The following LIMS1 variants were observed in gnomAD, a reference collection of about 807,000 sequenced individuals.
LIMS1 encodes LIM zinc finger domain containing 1.
LIMS1 carries 18 observed loss-of-function variants against 44.1 expected under a neutral mutation model. The observed-to-expected ratio is 0.41, with a 90% CI of 0.28 to 0.61. The LOEUF (loss-of-function observed/expected upper bound fraction) is 0.61, where lower values mean the gene tolerates loss of function less well. Ranked by LOEUF, LIMS1 falls within the 20% of genes least tolerant of loss-of-function variation. The pLI is 0.32. For missense variants in LIMS1, 201 were observed against 422.0 expected (o/e 0.48, Z 4.59); for synonymous variants, 93 against 149.1 (o/e 0.62, Z 2.74).
intron 1 of LIMS1, among the ~76,000 whole-genome samples, chr2:108,553,230 T>A (rs1426888595): frequency 6.6e-6 from 1 of 152,212 alleles, no homozygotes; most frequent in East Asian, 1.9e-4. Context: ...AGATGCAGCC[T>A]GGGTGCAGAT....
chr2:108,575,345 A>G (rs1685629201), intron 1 of LIMS1, among the ~76,000 whole-genome samples: 2 of 152,222 alleles, frequency 1.3e-5, no homozygotes, highest in African/African-American at 4.8e-5. Flanking sequence ...GAGTTAGCCA[A>G]CGTGGTGTTG....
intron 1 of LIMS1, among the ~76,000 whole-genome samples, chr2:108,558,812 A>G (rs1164338540): frequency 6.6e-6 from 1 of 151,718 alleles, no homozygotes; most frequent in Admixed American, 6.6e-5. Flanking sequence ...CTGGGCCTAC[A>G]GTTGTATGCC....
intron 1 of LIMS1, among the ~76,000 whole-genome samples, chr2:108,577,555 T>G (rs1251503709): frequency 6.6e-6 from 1 of 152,252 alleles, no homozygotes; most frequent in Non-Finnish European, 1.5e-5. Context: ...TGTTTTCTAC[T>G]TACCCCTATT....
intron 1 of LIMS1, among the ~76,000 whole-genome samples, chr2:108,595,193 G>A (rs897925438): frequency 6.6e-6 from 1 of 152,112 alleles, no homozygotes; most frequent in Non-Finnish European, 1.5e-5. Flanking sequence ...ATGCTGAACC[G>A]TATTTGGGTG....
At chr2:108,660,372 C>T (rs1691268103) in intron 2 of LIMS1, 1 of 458,900 alleles carries the variant, frequency 2.2e-6, no homozygotes, top group South Asian at 1.6e-5. Context: ...ATATGGTCTG[C>T]ACTTCCTTTG....
At chr2:108,645,282 C>G (rs1167068992) in intron 1 of LIMS1, among the ~76,000 whole-genome samples, 1 of 152,194 alleles carries the variant, frequency 6.6e-6, no homozygotes, top group Non-Finnish European at 1.5e-5. Flanking sequence ...GCCCATCAGA[C>G]TAACAGCGGA....
chr2:108,590,329 T>C (rs1388674666), intron 1 of LIMS1, among the ~76,000 whole-genome samples: 1 of 152,228 alleles, frequency 6.6e-6, no homozygotes, highest in Non-Finnish European at 1.5e-5. Flanking sequence ...ACAAGTATTT[T>C]TCATGGATAA....
intron 1 of LIMS1, among the ~76,000 whole-genome samples, chr2:108,544,027 CTCTG>C (rs1189580388): frequency 1.3e-5 from 2 of 152,148 alleles, no homozygotes; most frequent in African/African-American, 4.8e-5. Context: ...CTCTTTCTTT[CTCTG>C]TCTTTCTCTC....
At chr2:108,615,952 C>A (rs1205434680) in intron 1 of LIMS1, among the ~76,000 whole-genome samples, 1 of 152,164 alleles carries the variant, frequency 6.6e-6, no homozygotes, top group East Asian at 1.9e-4. Flanking sequence ...CTACTGGTCA[C>A]CTCTTGTATC....
intron 1 of LIMS1, among the ~76,000 whole-genome samples, chr2:108,653,952 T>C (rs1481504932): frequency 1.4e-5 from 2 of 142,752 alleles, no homozygotes; most frequent in African/African-American, 5.1e-5. Flanking sequence ...TCAGTGAACC[T>C]ACATTTTTAC....
In LIMS1 at chr2:108,544,603, T is replaced by C. The variant is rs557749552; in HGVS notation, c.32+10009T>C. 1.1e-4 allele frequency among the ~76,000 whole-genome samples: 16 copies of C among 152,300 alleles called. No homozygotes were observed. In the East Asian group the frequency reaches 3.1e-3, roughly 29 times the overall value. ...TCTGCCTCTTGGGTTCAAGCGATTC[T>C]CCTGCCTCAGCCTCCCAAGTAGCTG... On this transcript the variant is annotated intron_variant, in intron 1 of 9. Coordinates refer to ENST00000544547, the Ensembl canonical transcript of LIMS1.
At chr2:108,651,184 C>T (rs1181338563) in intron 1 of LIMS1, among the ~76,000 whole-genome samples, 6 of 152,106 alleles carry the variant, frequency 3.9e-5, no homozygotes, top group Non-Finnish European at 8.8e-5. Flanking sequence ...CTTTAACCCC[C>T]ACATTAGTTC....
At chr2:108,615,289 A>G (rs947796081) in intron 1 of LIMS1, among the ~76,000 whole-genome samples, 2 of 152,110 alleles carry the variant, frequency 1.3e-5, no homozygotes, top group Non-Finnish European at 2.9e-5. Flanking sequence ...TATGTGCTAA[A>G]GTTTTAGCTT....
At chr2:108,587,291 T>TGC (rs1558798278) in intron 1 of LIMS1, among the ~76,000 whole-genome samples, 1 of 81,536 alleles carries the variant, frequency 1.2e-5, no homozygotes, top group Non-Finnish European at 2.3e-5. Context: ...TCTTGGGGTT[T>TGC]GTGTGTGTGT....
exon 1 of LIMS1, chr2:108,534,583 G>T: frequency 1.7e-6 from 2 of 1,183,070 alleles, no homozygotes; most frequent in Non-Finnish European, 1.1e-6. Context: ...TGGCGGCCGG[G>T]ATGACCCACA....
chr2:108,592,114 C>T (rs1371689273), intron 1 of LIMS1, among the ~76,000 whole-genome samples: 3 of 151,938 alleles, frequency 2.0e-5, no homozygotes, highest in African/African-American at 4.8e-5. Context: ...TTTTTTCATG[C>T]GGGGACTTAC....
At chr2:108,679,223 G>A (rs868820275) in intron 8 of LIMS1, among the ~76,000 whole-genome samples, 5 of 151,414 alleles carry the variant, frequency 3.3e-5, no homozygotes, top group Admixed American at 1.3e-4. Context: ...TCACGCCTGT[G>A]ATCCCAACAC....
intron 1 of LIMS1, among the ~76,000 whole-genome samples, chr2:108,640,344 T>G (rs1047580941): frequency 2.0e-5 from 3 of 152,202 alleles, no homozygotes; most frequent in Non-Finnish European, 2.9e-5. Context: ...GAGAGGTGCT[T>G]CTTAAGAAAC....
chr2:108,641,656 AT>A (rs1294373366), intron 1 of LIMS1, among the ~76,000 whole-genome samples: 1 of 152,172 alleles, frequency 6.6e-6, no homozygotes, highest in African/African-American at 2.4e-5. Context: ...TATTTTCTTT[AT>A]TTTAAACTAG....
Sources: gnomAD v4.1 joint callset for allele counts (sites outside exome capture counted in the v4.1 genomes callset) on GRCh38, gnomAD v4.1.1 for gene constraint, MANE v1.5 for transcripts, NCBI Gene and HGNC (gene_info 2026-07-23, HGNC 2026-07-21) for gene names.